ATP11A: variants seen among roughly 807,000 people sequenced by gnomAD.
ATP11A encodes phospholipid-transporting ATPase IH.
A neutral mutation model predicts 154.4 loss-of-function variants in ATP11A; 81 were observed. The ratio of observed to expected loss-of-function variants is 0.52; its 90% CI spans 0.44 to 0.63. The LOEUF (loss-of-function observed/expected upper bound fraction) is 0.63. Among genes scored for constraint, ATP11A ranks in the 30% least tolerant of loss-of-function variants. ATP11A has a pLI of 0.00. For synonymous variants in ATP11A, 623 were observed against 585.9 expected (o/e 1.06, Z -0.91); for missense variants, 1,316 against 1,474.3 (o/e 0.89, Z 1.76).
chr13:112,816,152 C>G lies in ATP11A; in HGVS notation c.511C>G (p.Arg171Gly). 1 of 1,614,148 alleles carries G rather than the reference C, an allele frequency of 6.2e-7. No homozygotes were observed. Among genetic ancestry groups the G allele is most frequent in the Non-Finnish European group, 8.5e-7 (1 of 1,180,032 alleles). Reference protein sequence around the residue: ...PCDLIFLSSNRGDGTCHVTTA... With the variant: ...PCDLIFLSSNGGDGTCHVTTA... ...CGACTTGATCTTCCTTTCCAGCAAC[C>G]GGGGAGATGGGACGTGCCACGTCAC... The change falls in exon 6 of 30, where the codon CGG becomes GGG. Residue 171 changes from arginine to glycine, a missense_variant. By Grantham distance (125) the Arg-to-Gly change is moderately radical. Coordinates refer to ENST00000375645, the MANE Select transcript of ATP11A (RefSeq NM_015205.3).
chr13:112,726,929 C>G (rs1383720773), intron 1 of ATP11A, among the ~76,000 whole-genome samples: 1 of 152,208 alleles, frequency 6.6e-6, no homozygotes, highest in South Asian at 2.1e-4. Context: ...TCACAGAAAA[C>G]TGGGGACATT....
Position 112,828,629 on chromosome 13 carries a change from C to T in ATP11A, c.1221+1738C>T, listed in dbSNP as rs188400313. On this transcript the variant is annotated intron_variant, in intron 12 of 29. Coordinates refer to ENST00000375645, the MANE Select transcript of ATP11A (RefSeq NM_015205.3). ...GGAAAGCGCCCAGCAGCATTGAGCA[C>T]GGCAGATTTCTTCTCTGCCCTCTTC... Among the ~76,000 whole-genome samples the T allele has an allele frequency of 3.5e-3, 540 of 152,224 alleles. 3 individuals are homozygous for T. The highest frequency in any genetic ancestry group is 0.011 in the African/African-American group (457 of 41,468).
intron 1 of ATP11A, among the ~76,000 whole-genome samples, chr13:112,710,004 C>T (rs756190702): frequency 9.9e-5 from 15 of 152,262 alleles, no homozygotes; most frequent in Non-Finnish European, 1.8e-4. Flanking sequence ...GCAAGGGTCT[C>T]AACAGCACAG....
At chr13:112,833,476 G>A (rs1017419403) in intron 14 of ATP11A, among the ~76,000 whole-genome samples, 4 of 152,096 alleles carry the variant, frequency 2.6e-5, no homozygotes, top group Admixed American at 6.6e-5. Flanking sequence ...TTAAGCAAAC[G>A]CTTGGAAAAA....
At position 112,859,496 on chromosome 13, in the gene ATP11A, T is replaced by G. The variant is rs1253028616; in HGVS notation, c.2727+44T>G. The G allele has an allele frequency of 3.2e-6, 5 of 1,543,502 alleles. No homozygotes were observed. The Admixed American group carries it at 6.7e-5, about 21-fold the overall frequency. ...AGGGACAGGCTGTCTGAGCCTTCTT[T>G]TCCTTCCCGCAGTGGGTGGCTGCTG... On this transcript the variant is annotated intron_variant, in intron 23 of 29. Transcript: ENST00000375645. The surrounding 1 kb of genome is among the most constrained non-coding windows in gnomAD (Gnocchi z 4.3).
chr13:112,769,059 T>C (rs1355799298), intron 1 of ATP11A, among the ~76,000 whole-genome samples: 2 of 151,776 alleles, frequency 1.3e-5, no homozygotes, highest in Non-Finnish European at 2.9e-5. Context: ...TGGTCGGGGG[T>C]GGAACTGCTA....
intron 29 of ATP11A, chr13:112,881,157 G>T (rs1594269400): frequency 1.0e-6 from 1 of 988,368 alleles, no homozygotes; most frequent in Non-Finnish European, 1.2e-6. Flanking sequence ...CTGCCCCCTG[G>T]TCTAAAAGTG....
Position 112,881,735 on chromosome 13 carries a change from G to C in ATP11A, c.*10-141G>C. On this transcript the variant is annotated intron_variant, in intron 29 of 29. Transcript: ENST00000375645. ...CCTGCAGGAGGCGATGGTAGTGAGT[G>C]CATCCCAGAGTGGCTCAGGTCACCC... is the stretch of plus-strand genomic sequence containing the variant. 4 of 1,320,466 alleles carry C rather than the reference G, an allele frequency of 3.0e-6. No homozygotes were observed. The Middle Eastern group carries it at 6.6e-4, about 218-fold the overall frequency. 81.8% of individuals were successfully genotyped at this position (1,320,466 alleles called of 1,614,324 possible). A position where few individuals can be genotyped will look rare whatever the true frequency, so the allele number is the denominator to read the frequency against.
intron 29 of ATP11A, chr13:112,881,407 C>A: frequency 9.6e-7 from 1 of 1,041,022 alleles, no homozygotes; most frequent in Non-Finnish European, 1.2e-6. Context: ...TTCCCTGGGG[C>A]AGTGAGTTCG....
intron 1 of ATP11A, among the ~76,000 whole-genome samples, chr13:112,691,523 C>G (rs899676572): frequency 2.8e-5 from 4 of 144,110 alleles, no homozygotes; most frequent in Non-Finnish European, 6.0e-5. Flanking sequence ...AGGAAGAAAA[C>G]TGTCCCAAGC....
chr13:112,798,448 T>A (rs1008026138), intron 2 of ATP11A, among the ~76,000 whole-genome samples: 1 of 152,170 alleles, frequency 6.6e-6, no homozygotes, highest in African/African-American at 2.4e-5. Context: ...TCTTAATTGG[T>A]CTAACAGAGA....
In ATP11A at chr13:112,883,411, TGGA is replaced by T. The variant is rs1040810797; in HGVS notation, c.*1553_*1555del. On this transcript the variant is annotated 3_prime_UTR_variant, in exon 30 of 30. Coordinates refer to ENST00000375645, the MANE Select transcript of ATP11A (RefSeq NM_015205.3). ...CCTTTCAGGAAAGCACCACCAACGC[TGGA>T]GGAGGAGCCGGCCCTCACGCCCGCC... 2 of 383,838 alleles carry T rather than the reference TGGA, an allele frequency of 5.2e-6. No individual in the cohort carries two copies. Among genetic ancestry groups the T allele is most frequent in the African/African-American group, 4.1e-5 (2 of 48,368 alleles). The allele number at this position is 383,838 out of a possible 1,614,324, so 23.8% of individuals were successfully genotyped here. A position where few individuals can be genotyped will look rare whatever the true frequency, so the allele number is the denominator to read the frequency against.
rs60184993 is a variant in ATP11A, at chr13:112,803,834, T to TTC, written c.163-1123_163-1122insTC. On this transcript the variant is annotated intron_variant, in intron 2 of 29. Transcript: ENST00000375645. ...CCCCTCCTTCCTCTCCTTCCCCTCC[T>TTC]CCTCCTTCCTCTCCTTCCCCTCCTT... Among the ~76,000 whole-genome samples the TTC allele has an allele frequency of 9.4e-5, 7 of 74,124 alleles. 1 individual carries two copies. The highest frequency in any genetic ancestry group is 1.6e-4 in the Non-Finnish European group (6 of 37,074). 48.6% of individuals were successfully genotyped at this position (74,124 alleles called of 152,430 possible). A position where few individuals can be genotyped will look rare whatever the true frequency, so the allele number is the denominator to read the frequency against.
chr13:112,775,042 C>T (rs2077313823), intron 1 of ATP11A, among the ~76,000 whole-genome samples: 1 of 152,242 alleles, frequency 6.6e-6, no homozygotes, highest in Admixed American at 6.5e-5. Context: ...GCGTGTGCCT[C>T]GGATGTGGCG....
At chr13:112,706,109 A>T (rs1887114725) in intron 1 of ATP11A, among the ~76,000 whole-genome samples, 1 of 152,134 alleles carries the variant, frequency 6.6e-6, no homozygotes, top group South Asian at 2.1e-4. Flanking sequence ...AGTGAAAGAG[A>T]TCTTAACGGG....
chr13:112,742,297 T>C (rs1891645402), intron 1 of ATP11A, among the ~76,000 whole-genome samples: 1 of 152,052 alleles, frequency 6.6e-6, no homozygotes, highest in Non-Finnish European at 1.5e-5. Flanking sequence ...ACACCTCCTG[T>C]GGAAGGGGGT....
intron 9 of ATP11A, 90 bp from the exon 10 acceptor site, chr13:112,824,254 G>T: frequency 1.0e-6 from 1 of 996,876 alleles, no homozygotes; most frequent in Non-Finnish European, 1.6e-6. Context: ...CTTTACCCAA[G>T]AATTGATTTT....
rs766043942 is a variant in ATP11A, at chr13:112,854,303, C to T, written c.2016C>T (p.Thr672=). Reference sequence around the variant, plus strand: ...GGCTGCAGGAGAAAGCTGCAGACACCATCGAGGCCCTGCAGAAGGCCGGGA... The same window carrying T: ...GGCTGCAGGAGAAAGCTGCAGACACTATCGAGGCCCTGCAGAAGGCCGGGA... The part of the protein sequence containing the change: ...EDRLQEKAAD[T]IEALQKAGIK... The change falls in exon 19 of 30, where the codon ACC becomes ACT. Residue 672 remains threonine (T), a synonymous_variant. Coordinates refer to ENST00000375645, the MANE Select transcript of ATP11A (RefSeq NM_015205.3). 6.2e-7 allele frequency: 1 copy of T among 1,614,172 alleles called. No individual in the cohort carries two copies. The highest frequency in any genetic ancestry group is 8.5e-7 in the Non-Finnish European group (1 of 1,180,028).
At chr13:112,881,069 C>T in intron 29 of ATP11A, 1 of 987,670 alleles carries the variant, frequency 1.0e-6, no homozygotes, top group Non-Finnish European at 1.2e-6. Flanking sequence ...TTCTGTGTGC[C>T]AGCCGGAGCA....
Sources: allele counts gnomAD v4.1 joint callset (sites outside exome capture counted in the v4.1 genomes callset), GRCh38; gene constraint gnomAD v4.1.1; non-coding constraint Gnocchi (gnomAD v3.1); transcripts MANE v1.5; gene names NCBI Gene and HGNC (gene_info 2026-07-23, HGNC 2026-07-21).